Variants in MOCOS observed in about 807,000 individuals in gnomAD.
MOCOS encodes molybdenum cofactor sulfurase, also known as human molybdenum cofactor sulfurase.
A neutral mutation model predicts 83.6 loss-of-function variants in MOCOS; 86 were observed. The observed-to-expected ratio is 1.03, with a 90% CI of 0.86 to 1.23. The LOEUF (loss-of-function observed/expected upper bound fraction) is 1.23. Among genes scored for constraint, MOCOS ranks in the 50% most tolerant of loss-of-function variants. The pLI is 0.00. For synonymous variants in MOCOS, 445 were observed against 434.7 expected (o/e 1.02, Z -0.29); for missense variants, 1,120 against 1,126.9 (o/e 0.99, Z 0.09).
intron 13 of MOCOS, 139 bp downstream of exon 13, chr18:36,260,314 G>A (rs2091659205): frequency 8.9e-7 from 1 of 1,125,748 alleles, no homozygotes; most frequent in South Asian, 1.3e-5. Context: ...GGGAGGTTAT[G>A]TAAGCTTAGC....
intron 6 of MOCOS, among the ~76,000 whole-genome samples, chr18:36,213,149 C>A (rs1019333854): frequency 3.4e-4 from 51 of 152,194 alleles, no homozygotes; most frequent in African/African-American, 1.2e-3. Context: ...GCTCTGTGGT[C>A]CAACCCTGTG....
chr18:36,240,607 C>G (rs1164551721), intron 9 of MOCOS, among the ~76,000 whole-genome samples: 8 of 152,014 alleles, frequency 5.3e-5, no homozygotes, highest in Non-Finnish European at 1.0e-4. Context: ...TGCCCTGCCC[C>G]CAGAGGTGGA....
chr18:36,212,566 C>A (rs1354530614), intron 6 of MOCOS, among the ~76,000 whole-genome samples: 1 of 152,142 alleles, frequency 6.6e-6, no homozygotes, highest in Non-Finnish European at 1.5e-5. Context: ...CAGAATTGTT[C>A]ATCTGAAGCC....
intron 4 of MOCOS, 127 bp from the exon 5 acceptor site, chr18:36,202,986 G>T: frequency 1.1e-6 from 1 of 870,740 alleles, no homozygotes; most frequent in Non-Finnish European, 1.9e-6. Context: ...ATGAGATTTA[G>T]GTGGAGACAT....
At chr18:36,189,699 A>G (rs1398521903) in intron 1 of MOCOS, 1 of 152,230 alleles carries the variant, frequency 6.6e-6, no homozygotes, top group Non-Finnish European at 1.5e-5. Context: ...GTGCTGAATC[A>G]TGACCACTCA....
At chr18:36,233,411 T>C (rs978441892) in intron 9 of MOCOS, among the ~76,000 whole-genome samples, 3 of 152,172 alleles carry the variant, frequency 2.0e-5, no homozygotes, top group Non-Finnish European at 4.4e-5. Context: ...TATACCCACA[T>C]CATATTTTCT....
At chr18:36,219,227 G>T (rs548604498) in intron 8 of MOCOS, among the ~76,000 whole-genome samples, 1 of 151,270 alleles carries the variant, frequency 6.6e-6, no homozygotes, top group African/African-American at 2.4e-5. Context: ...CACTCTTGTC[G>T]CCCAGGCTGG....
Position 36,215,892 on chromosome 18 carries a change from C to T in MOCOS, c.1712C>T (p.Ala571Val). The T allele has an allele frequency of 6.2e-7, 1 of 1,614,094 alleles. No individual in the cohort carries two copies. The highest frequency in any genetic ancestry group is 1.1e-5 in the South Asian group (1 of 91,078). The change falls in exon 8 of 15, where the codon GCT becomes GTT. Residue 571 changes from alanine (A) to valine (V), a missense_variant. Ala to Val is a moderately conservative substitution (Grantham distance 64). Coordinates refer to ENST00000261326, the MANE Select transcript of MOCOS (RefSeq NM_017947.4). ...ARTQPTPSEKAAGVLEGALGP... is the reference protein window; with the variant it reads ...ARTQPTPSEKVAGVLEGALGP... ...ACCCAGCCGACTCCTTCAGAGAAAG[C>T]TGCAGGAGTCCTGGAGGGGGCCCTT...
chr18:36,249,586 C>A (rs2144138568), intron 10 of MOCOS, among the ~76,000 whole-genome samples: 1 of 152,062 alleles, frequency 6.6e-6, no homozygotes, highest in East Asian at 1.9e-4. Flanking sequence ...AGGGAAAAGA[C>A]CTGATTTGCA....
intron 11 of MOCOS, 73 bp from the exon 12 acceptor site, chr18:36,256,895 C>T: frequency 7.8e-7 from 1 of 1,288,688 alleles, no homozygotes; most frequent in South Asian, 1.2e-5. Context: ...TAAAAAAATA[C>T]AAGTCTATGG....
intron 9 of MOCOS, among the ~76,000 whole-genome samples, chr18:36,233,274 G>A (rs576316293): frequency 2.9e-4 from 44 of 152,194 alleles, no homozygotes; most frequent in African/African-American, 1.0e-3. Context: ...AACATACAAT[G>A]TTTGTTTTCC....
intron 13 of MOCOS, among the ~76,000 whole-genome samples, chr18:36,262,899 A>G (rs2091668981): frequency 6.6e-6 from 1 of 152,228 alleles, no homozygotes; most frequent in Non-Finnish European, 1.5e-5. Context: ...ACTTGAGCTC[A>G]CAAGTTTGAG....
chr18:36,268,003 A>C (rs759233462), intron 14 of MOCOS, among the ~76,000 whole-genome samples: 2 of 152,226 alleles, frequency 1.3e-5, no homozygotes, highest in Non-Finnish European at 2.9e-5. Context: ...GAGCATGTCA[A>C]GTCCTCCAAA....
chr18:36,228,354 A>T (rs908085909), intron 9 of MOCOS, among the ~76,000 whole-genome samples: 1 of 152,192 alleles, frequency 6.6e-6, no homozygotes, highest in African/African-American at 2.4e-5. Context: ...AATATAAATT[A>T]TTCTATTATA....
At chr18:36,214,475 T>C (rs2091468234) in intron 7 of MOCOS, among the ~76,000 whole-genome samples, 2 of 151,988 alleles carry the variant, frequency 1.3e-5, no homozygotes, top group South Asian at 4.2e-4. Context: ...GGAACTCTTC[T>C]AGGGCTCCAG....
chr18:36,221,682 G>A (rs1348935338), intron 9 of MOCOS, among the ~76,000 whole-genome samples: 1 of 151,294 alleles, frequency 6.6e-6, no homozygotes, highest in Non-Finnish European at 1.5e-5. Flanking sequence ...GAACCAAGAG[G>A]CCAGTGTTAT....
At chr18:36,213,697 G>T (rs573234450) in intron 7 of MOCOS, among the ~76,000 whole-genome samples, 1 of 152,070 alleles carries the variant, frequency 6.6e-6, no homozygotes, top group South Asian at 2.1e-4. Context: ...GGGAGGCCGA[G>T]GCAGGTGGAT....
intron 9 of MOCOS, among the ~76,000 whole-genome samples, chr18:36,244,815 G>T (rs1331508557): frequency 1.3e-5 from 2 of 152,046 alleles, no homozygotes; most frequent in Non-Finnish European, 2.9e-5. Context: ...CCGGTGTTAG[G>T]TGTATATAGA....
intron 3 of MOCOS, 88 bp from the exon 4 acceptor site, chr18:36,199,595 G>A: frequency 3.2e-6 from 5 of 1,586,510 alleles, no homozygotes; most frequent in East Asian, 2.2e-5. Context: ...AGGTAGAGAT[G>A]TCATAGTTAA....
Sources: allele counts gnomAD v4.1 joint callset (sites outside exome capture counted in the v4.1 genomes callset), GRCh38; gene constraint gnomAD v4.1.1; transcripts MANE v1.5; gene names NCBI Gene and HGNC (gene_info 2026-07-23, HGNC 2026-07-21).